NBPF15: variants seen among roughly 807,000 people sequenced by gnomAD.
The protein encoded by NBPF15 is NBPF family member NBPF15.
NBPF15 carries 74 observed loss-of-function variants against 62.2 expected under a neutral mutation model. The ratio of observed to expected loss-of-function variants is 1.19; its 90% confidence interval spans 0.99 to 1.44. The LOEUF is 1.44. Among genes scored for constraint, NBPF15 ranks in the 40% most tolerant of loss-of-function variants. The pLI, the probability that NBPF15 is intolerant of heterozygous loss-of-function variation, is 0.00. For synonymous variants in NBPF15, 244 were observed against 209.7 expected, an observed-to-expected ratio of 1.16 and a Z score of -1.41; for missense variants, 790 against 550.0, an observed-to-expected ratio of 1.44 and a Z score of -4.36.
At chr1:144,426,676 C>T (rs1182264447) in intron 17 of NBPF15, among the ~76,000 whole-genome samples, 2 of 151,370 alleles carry the variant, frequency 1.3e-5, no homozygotes, top group African/African-American at 4.9e-5. Context: ...AGAAAGTGAG[C>T]TCAGCGAATT....
At chr1:144,460,025 ACT>A (rs1651439923) in intron 2 of NBPF15, among the ~76,000 whole-genome samples, 1 of 32,992 alleles carries the variant, frequency 3.0e-5, no homozygotes, top group African/African-American at 1.3e-4. Flanking sequence ...CATTACCTGT[ACT>A]TTTTTTTTTT....
chr1:144,432,422 A>G (rs1675038271), intron 13 of NBPF15, among the ~76,000 whole-genome samples: 1 of 152,080 alleles, frequency 6.6e-6, no homozygotes, highest in African/African-American at 2.4e-5. Flanking sequence ...ATAACCAGCT[A>G]ATATCATAAT....
At chr1:144,444,282 A>G (rs1247605953) in intron 6 of NBPF15, among the ~76,000 whole-genome samples, 1 of 149,566 alleles carries the variant, frequency 6.7e-6, no homozygotes, top group Non-Finnish European at 1.5e-5. Flanking sequence ...AAAAAAAAAA[A>G]GAAGCCAGTG....
intron 19 of NBPF15, 128 bp from the exon 20 acceptor site, chr1:144,424,990 AC>A (rs2101602814): frequency 2.3e-6 from 1 of 436,978 alleles, no homozygotes; most frequent in South Asian, 2.2e-5. Context: ...TAATGAGGTA[AC>A]AAATTATTGC....
At chr1:144,432,113 T>C (rs1335067648) in intron 13 of NBPF15, among the ~76,000 whole-genome samples, 1 of 152,078 alleles carries the variant, frequency 6.6e-6, no homozygotes, top group Non-Finnish European at 1.5e-5. Context: ...CCACCAACAG[T>C]GTAAAAGTGT....
rs1462797390 is a variant in NBPF15 at position 144,448,499 on chromosome 1, CTG to C, written c.-191+274_-191+275del. ...AGACAACAAATTTGCATATTATAAA[CTG>C]TATCATCTTAAAAAGGAAACAAGGC... On this transcript the variant is annotated intron_variant, in intron 6 of 21. Transcript: ENST00000581897. Among the ~76,000 whole-genome samples, 22 of 151,840 alleles carry C rather than the reference CTG, an allele frequency of 1.4e-4. No individual in the cohort carries two copies. The East Asian group carries it at 4.2e-3, about 29-fold the overall frequency.
At chr1:144,444,677 G>T (rs1200002503) in intron 6 of NBPF15, among the ~76,000 whole-genome samples, 1 of 151,834 alleles carries the variant, frequency 6.6e-6, no homozygotes, top group African/African-American at 2.4e-5. Flanking sequence ...TAGCTTAGAA[G>T]GTACATTAGC....
chr1:144,453,555 G>A (rs1157591239), intron 4 of NBPF15, among the ~76,000 whole-genome samples: 27 of 144,884 alleles, frequency 1.9e-4, no homozygotes, highest in Non-Finnish European at 3.6e-4. Flanking sequence ...TCACAGACTG[G>A]TAGAAAATAT....
At chr1:144,459,144 C>A (rs1453064779) in intron 3 of NBPF15, among the ~76,000 whole-genome samples, 3 of 151,810 alleles carry the variant, frequency 2.0e-5, no homozygotes, top group African/African-American at 7.3e-5. Flanking sequence ...AAACAGGACA[C>A]AAAAAGCACT....
intron 13 of NBPF15, among the ~76,000 whole-genome samples, chr1:144,430,292 A>G (rs1673187257): frequency 6.6e-6 from 1 of 150,664 alleles, no homozygotes; most frequent in Non-Finnish European, 1.5e-5. Context: ...TTGATATAAT[A>G]TATTTACTTT....
At chr1:144,444,895 G>T (rs75121347) in intron 6 of NBPF15, among the ~76,000 whole-genome samples, 7 of 151,912 alleles carry the variant, frequency 4.6e-5, no homozygotes, top group Non-Finnish European at 7.4e-5. Context: ...TTCCTAGGAA[G>T]GGAATGACTG....
intron 3 of NBPF15, among the ~76,000 whole-genome samples, chr1:144,458,051 C>T (rs1553547522): frequency 6.6e-6 from 1 of 151,516 alleles, no homozygotes; most frequent in Non-Finnish European, 1.5e-5. Context: ...CATACCACTC[C>T]ACTCCAGCCT....
At chr1:144,450,333 G>A (rs1553545158) in intron 5 of NBPF15, among the ~76,000 whole-genome samples, 1 of 149,646 alleles carries the variant, frequency 6.7e-6, no homozygotes, top group African/African-American at 2.5e-5. Flanking sequence ...AGGACTCCAT[G>A]AGTTGTTATT....
intron 4 of NBPF15, among the ~76,000 whole-genome samples, chr1:144,451,376 C>T (rs1340073468): frequency 3.3e-5 from 5 of 151,498 alleles, no homozygotes; most frequent in South Asian, 2.1e-4. Flanking sequence ...GAGACAGATG[C>T]CTTCCTCTTA....
At chr1:144,438,347 G>A (rs1453991465) in intron 8 of NBPF15, among the ~76,000 whole-genome samples, 7 of 151,634 alleles carry the variant, frequency 4.6e-5, no homozygotes, top group Non-Finnish European at 8.8e-5. Flanking sequence ...TGAATGCGGG[G>A]CCACTTTCCC....
intron 6 of NBPF15, among the ~76,000 whole-genome samples, chr1:144,440,740 C>T (rs1264254397): frequency 1.3e-5 from 2 of 149,284 alleles, no homozygotes; most frequent in Non-Finnish European, 3.0e-5. Flanking sequence ...GCAAGCTCTG[C>T]CTCCCAGGTT....
At chr1:144,436,097 A>G (rs1356442627) in intron 10 of NBPF15, among the ~76,000 whole-genome samples, 2 of 151,862 alleles carry the variant, frequency 1.3e-5, no homozygotes, top group Non-Finnish European at 2.9e-5. Flanking sequence ...TGCTTCCCAT[A>G]TCACTGGAGG....
At chr1:144,431,608 C>T (rs1173188889) in intron 13 of NBPF15, among the ~76,000 whole-genome samples, 2 of 137,594 alleles carry the variant, frequency 1.5e-5, no homozygotes, top group Non-Finnish European at 3.1e-5. Flanking sequence ...CATCATTTAA[C>T]ATTAGGTATA....
At position 144,423,031 on chromosome 1, in the gene NBPF15, T is replaced by G. The variant is rs1553538497; in HGVS notation, c.1995A>C (p.Gly665=). The G allele has an allele frequency of 6.2e-7, 1 of 1,611,580 alleles. No homozygotes were observed. The highest frequency in any genetic ancestry group is 2.2e-5 in the East Asian group (1 of 44,858). The stretch of plus-strand genomic sequence containing the variant: ...GAGCTGCTTATTGTGGGAATATGAC[T>G]CCCATCTGGAACACCAGGTGGAGAC... ...VTSLHLVFQM[G]VIFPQ is the part of the protein sequence containing the mutation. The change falls in exon 22 of 22, where the codon GGA becomes GGC. Residue 665 remains glycine (G), a synonymous_variant. Transcript: ENST00000581897.
Sources: gnomAD v4.1 joint callset for allele counts (sites outside exome capture counted in the v4.1 genomes callset) on GRCh38, gnomAD v4.1.1 for gene constraint, MANE v1.5 for transcripts, NCBI Gene and HGNC (gene_info 2026-07-23, HGNC 2026-07-21) for gene names.